The following SH2D3A variants were observed in gnomAD, a reference collection of about 807,000 sequenced individuals.
SH2D3A encodes SH2 domain-containing protein 3A.
Under a neutral mutation model 50.6 loss-of-function variants are expected in SH2D3A, and 46 were observed. The ratio of observed to expected loss-of-function variants is 0.91; its 90% CI spans 0.72 to 1.16. The LOEUF is 1.16. Among genes scored for constraint, SH2D3A ranks in the 50% most tolerant of loss-of-function variants. The pLI is 0.00. For missense variants in SH2D3A, 783 were observed against 786.2 expected (o/e 1.00, Z 0.05); for synonymous variants, 377 against 348.4 (o/e 1.08, Z -0.91).
chr19:6,752,367 G>T lies in SH2D3A; in HGVS notation c.*226C>A, dbSNP rs778093807. The T allele has an allele frequency of 9.0e-5, 36 of 401,670 alleles. No individual in the cohort carries two copies. The highest frequency in any genetic ancestry group is 1.4e-4 in the Non-Finnish European group (32 of 228,526). The allele number at this position is 401,670 out of a possible 1,614,324, so 24.9% of individuals were successfully genotyped here. On this transcript the variant is annotated 3_prime_UTR_variant, in exon 10 of 10. Coordinates refer to ENST00000245908, the MANE Select transcript of SH2D3A (RefSeq NM_005490.3). ...GTGAAGTCAACTGCTAGAAATCACG[G>T]CTTTTAAGAGGTGGAGTCACATTTG...
chr19:6,752,217 A>G lies in SH2D3A; in HGVS notation c.*376T>C. On this transcript the variant is annotated 3_prime_UTR_variant, in exon 10 of 10. Coordinates refer to ENST00000245908, the MANE Select transcript of SH2D3A (RefSeq NM_005490.3). ...GTTTTTGTAGAGATGAGGTCTCACC[A>G]TGTTGCCCTGGCTGGTCTTGAACTC... 4.9e-6 allele frequency: 1 copy of G among 205,852 alleles called. No individual in the cohort carries two copies. Among genetic ancestry groups the G allele is most frequent in the East Asian group, 1.1e-4 (1 of 9,060 alleles). 12.8% of individuals were successfully genotyped at this position (205,852 alleles called of 1,614,324 possible).
chr19:6,763,394 G>C (rs868868547), intron 2 of SH2D3A, among the ~76,000 whole-genome samples: 1 of 152,138 alleles, frequency 6.6e-6, no homozygotes, highest in African/African-American at 2.4e-5. Context: ...GGAAATACCA[G>C]GAGGTAGATG....
At chr19:6,764,459 G>A (rs1970196564) in intron 1 of SH2D3A, 1 of 152,042 alleles carries the variant, frequency 6.6e-6, no homozygotes, top group African/African-American at 2.4e-5. Flanking sequence ...ACCCCATCTT[G>A]CAGAAATGTA....
chr19:6,759,582 G>C lies in SH2D3A; in HGVS notation c.496+12C>G, dbSNP rs1237993865. 2 of 1,613,230 alleles carry C rather than the reference G, an allele frequency of 1.2e-6. No individual in the cohort carries two copies. Among genetic ancestry groups the C allele is most frequent in the Non-Finnish European group, 1.7e-6 (2 of 1,179,386 alleles). ...AATCCCTGAGCCACAGGCCATTCTAGCAGACACTTACCCATCCCAGCGGGG... is the reference window on the plus strand; with the variant it reads ...AATCCCTGAGCCACAGGCCATTCTACCAGACACTTACCCATCCCAGCGGGG... On this transcript the variant is annotated intron_variant, in intron 4 of 9. Transcript: ENST00000245908.
At chr19:6,762,019 C>T (rs1038455541) in intron 2 of SH2D3A, among the ~76,000 whole-genome samples, 8 of 151,434 alleles carry the variant, frequency 5.3e-5, no homozygotes, top group African/African-American at 1.9e-4. Flanking sequence ...GCCAGGACCC[C>T]AGAGAGAGGC....
chr19:6,759,117 C>CT (rs573267885), intron 4 of SH2D3A: 18,771 of 150,492 alleles, frequency 0.12, 1,370 homozygotes, highest in African/African-American at 0.22. Context: ...ATTGTAAACA[C>CT]TTTTTTTTTT....
At chr19:6,764,844 TATGAGCGTGGGCC>T (rs1391305174) in intron 1 of SH2D3A, among the ~76,000 whole-genome samples, 3 of 150,802 alleles carry the variant, frequency 2.0e-5, no homozygotes, top group Non-Finnish European at 4.4e-5. Flanking sequence ...TAGCTGGGAC[TATGAGCGTGGGCC>T]ACTGTACCTG....
At chr19:6,754,798 G>A in intron 5 of SH2D3A, 33 bp downstream of exon 5, 1 of 1,612,572 alleles carries the variant, frequency 6.2e-7, no homozygotes, top group Non-Finnish European at 8.5e-7. Flanking sequence ...CTTGCCCTGG[G>A]CCTGGGGAGG....
At chr19:6,762,594 C>T (rs1970088128) in intron 2 of SH2D3A, among the ~76,000 whole-genome samples, 1 of 148,694 alleles carries the variant, frequency 6.7e-6, no homozygotes, top group African/African-American at 2.5e-5. Flanking sequence ...ACAGCCTTGA[C>T]CTCCTGGGCT....
chr19:6,753,754 C>T lies in SH2D3A; in HGVS notation c.1385-113G>A. On this transcript the variant is annotated intron_variant, in intron 8 of 9. Coordinates refer to ENST00000245908, the MANE Select transcript of SH2D3A (RefSeq NM_005490.3). ...GCTTAGGACTGAGCGACAGCGGGGT[C>T]TGTGGAGAGGGGCCAGGACCACACG... is the stretch of plus-strand genomic sequence containing the variant. 2.5e-6 allele frequency: 3 copies of T among 1,188,722 alleles called. No homozygotes were observed. The South Asian group carries it at 4.9e-5, about 19-fold the overall frequency. 73.6% of individuals were successfully genotyped at this position (1,188,722 alleles called of 1,614,324 possible). A position where few individuals can be genotyped will look rare whatever the true frequency, so the allele number is the denominator to read the frequency against.
At position 6,763,753 on chromosome 19, in the gene SH2D3A, C is replaced by T; in HGVS notation, c.-5G>A. ...TCCATCCTGTGGCACCTGCATGGAG[C>T]TCTTGGGAACAGAGGGTGCCAGGGC... On this transcript the variant is annotated 5_prime_UTR_variant, in exon 2 of 10. Coordinates refer to ENST00000245908, the MANE Select transcript of SH2D3A (RefSeq NM_005490.3). 3 of 1,612,336 alleles carry T rather than the reference C, an allele frequency of 1.9e-6. No individual in the cohort carries two copies. Among genetic ancestry groups the T allele is most frequent in the Non-Finnish European group, 1.7e-6 (2 of 1,179,478 alleles).
At chr19:6,761,070 C>T (rs924549647) in intron 2 of SH2D3A, 83 bp from the exon 3 acceptor site, 18 of 1,119,794 alleles carry the variant, frequency 1.6e-5, no homozygotes, top group Non-Finnish European at 2.0e-5. Context: ...CCATTGCCCC[C>T]ACCACCCAAG....
Position 6,763,806 on chromosome 19 carries a change from G to A in SH2D3A, c.-58C>T. On this transcript the variant is annotated 5_prime_UTR_variant, in exon 2 of 10. Transcript: ENST00000245908. ...AGCTCTGCACTTTCAACAGGCCTCA[G>A]TCTTCCACATCTGTAAAAGGGGAAT... 1 of 1,394,968 alleles carries A rather than the reference G, an allele frequency of 7.2e-7. No individual in the cohort carries two copies. The highest frequency in any genetic ancestry group is 1.2e-5 in the South Asian group (1 of 83,164). 86.4% of individuals were successfully genotyped at this position (1,394,968 alleles called of 1,614,324 possible).
chr19:6,756,427 TTTC>T (rs1009733790), intron 4 of SH2D3A, among the ~76,000 whole-genome samples: 6 of 151,620 alleles, frequency 4.0e-5, no homozygotes, highest in African/African-American at 1.5e-4. Flanking sequence ...CTTATTAAAC[TTTC>T]TTTTCTTTTT....
At position 6,760,634 on chromosome 19, in the gene SH2D3A, G is replaced by C; in HGVS notation, c.419+4C>G. 2 of 1,554,660 alleles carry C rather than the reference G, an allele frequency of 1.3e-6. No homozygotes were observed. The highest frequency in any genetic ancestry group is 1.2e-5 in the South Asian group (1 of 83,040). On this transcript the variant is annotated splice_donor_region_variant and intron_variant, in intron 3 of 9. Transcript: ENST00000245908. ...TCTCAAGGAGGCAGGGAGACTGTGA[G>C]TACCTGAGAGGCTCTATCCGAGCTG...
At chr19:6,757,243 C>T (rs1044979607) in intron 4 of SH2D3A, 15 of 147,302 alleles carry the variant, frequency 1.0e-4, no homozygotes, top group Middle Eastern at 3.5e-3. Flanking sequence ...ACATTCTGCA[C>T]GTGTATCTTT....
chr19:6,763,951 C>T lies in SH2D3A; in HGVS notation c.-68-135G>A, dbSNP rs546578838. On this transcript the variant is annotated intron_variant, in intron 1 of 9. Transcript: ENST00000245908. ...TTTTTGAGACAGAGTCTCATTCTATCACCCAGGCTGGAGTGCAATGGTGCG... is the reference window on the plus strand; with the variant it reads ...TTTTTGAGACAGAGTCTCATTCTATTACCCAGGCTGGAGTGCAATGGTGCG... 5.4e-5 allele frequency: 17 copies of T among 315,102 alleles called. No homozygotes were observed. The Admixed American group carries it at 8.7e-4, about 16-fold the overall frequency. 19.5% of individuals were successfully genotyped at this position (315,102 alleles called of 1,614,324 possible). A position where few individuals can be genotyped will look rare whatever the true frequency, so the allele number is the denominator to read the frequency against.
At chr19:6,760,423 T>C (rs1969943212) in intron 3 of SH2D3A, among the ~76,000 whole-genome samples, 1 of 151,114 alleles carries the variant, frequency 6.6e-6, no homozygotes. Flanking sequence ...CTGGGCGTGG[T>C]GGTGCACTCC....
In SH2D3A at chr19:6,754,372, G is replaced by C; in HGVS notation, c.1151C>G (p.Pro384Arg). ...CAGTGCGGCTGCGCGCTCCTCCAGC[G>C]GCCCCGAGCAGCCCAGCACCGCCAG... ...GALAVLGCSG[P>R]LEERAAALRG... The change falls in exon 7 of 10, where the codon CCG (proline) becomes CGG (arginine). Residue 384 changes from proline (P) to arginine (R), a missense_variant. By Grantham distance (103) the Pro-to-Arg change is moderately radical. Transcript: ENST00000245908. 6.4e-7 allele frequency: 1 copy of C among 1,557,136 alleles called. No homozygotes were observed. Among genetic ancestry groups the C allele is most frequent in the Non-Finnish European group, 8.6e-7 (1 of 1,159,546 alleles).
Sources: allele counts gnomAD v4.1 joint callset (sites outside exome capture counted in the v4.1 genomes callset), GRCh38; gene constraint gnomAD v4.1.1; transcripts MANE v1.5; gene names NCBI Gene and HGNC (gene_info 2026-07-23, HGNC 2026-07-21).